The following SORCS2 variants were observed in gnomAD, a reference collection of about 807,000 sequenced individuals.
SORCS2 encodes VPS10 domain-containing receptor SorCS2.
A neutral mutation model predicts 141.6 loss-of-function variants in SORCS2; 100 were observed. The ratio of observed to expected loss-of-function variants is 0.71; its 90% CI spans 0.60 to 0.83. SORCS2 has a LOEUF of 0.83. Among genes scored for constraint, SORCS2 ranks in the 40% least tolerant of loss-of-function variants. The pLI is 0.00. For missense variants in SORCS2, 1,646 were observed against 1,560.2 expected (o/e 1.05, Z -0.93); for synonymous variants, 789 against 676.9 (o/e 1.17, Z -2.57).
rs532724578 is a variant in SORCS2, at chr4:7,611,135, A to G, written c.649-27193A>G. Among the ~76,000 whole-genome samples, 4 of 152,306 alleles carry G rather than the reference A, an allele frequency of 2.6e-5. No homozygotes were observed. In the South Asian group the frequency reaches 8.3e-4, roughly 32 times the overall value. ...CACTGCAGCTACTGAGGCTGTGAAA[A>G]GCAAAAGCCCACATGGAGCCAGTGA... On this transcript the variant is annotated intron_variant, in intron 3 of 26. Transcript: ENST00000507866.
intron 1 of SORCS2, among the ~76,000 whole-genome samples, chr4:7,246,522 C>T (rs1007475193): frequency 3.3e-5 from 5 of 152,112 alleles, no homozygotes; most frequent in African/African-American, 1.2e-4. Flanking sequence ...TCACCTGGGG[C>T]TTAAATGAAC....
At chr4:7,395,167 A>T (rs1305653294) in intron 1 of SORCS2, among the ~76,000 whole-genome samples, 1 of 140,414 alleles carries the variant, frequency 7.1e-6, no homozygotes, top group African/African-American at 2.7e-5. Flanking sequence ...CTCGGGCAAC[A>T]GCCCCTCCTC....
intron 1 of SORCS2, among the ~76,000 whole-genome samples, chr4:7,243,042 C>T (rs968572944): frequency 2.7e-5 from 4 of 148,720 alleles, no homozygotes; most frequent in Admixed American, 1.3e-4. Flanking sequence ...CTGCAGGGCC[C>T]CTGGGGGTTG....
intron 2 of SORCS2, among the ~76,000 whole-genome samples, chr4:7,480,856 C>T (rs62277648): frequency 0.089 from 13,561 of 152,264 alleles, 639 homozygotes; most frequent in African/African-American, 0.12. Context: ...GCGTGGCCTC[C>T]CTGGGTGGGT....
rs62280212 is a variant in SORCS2 at position 7,533,161 on chromosome 4, G to A, written c.648+1532G>A. ...TTTGCTCAGTCTCACACCTGGTGGT[G>A]CAGGGGGCCTGGATTTGAACCCAGC... is the stretch of plus-strand genomic sequence containing the variant. On this transcript the variant is annotated intron_variant, in intron 3 of 26. Coordinates refer to ENST00000507866, the MANE Select transcript of SORCS2 (RefSeq NM_020777.3). Among the ~76,000 whole-genome samples, 5 of 152,320 alleles carry A rather than the reference G, an allele frequency of 3.3e-5. No homozygotes were observed. The South Asian group carries it at 1.0e-3, about 32-fold the overall frequency.
Position 7,722,288 on chromosome 4 carries a change from C to T in SORCS2, c.2425-1409C>T, listed in dbSNP as rs183214726. On this transcript the variant is annotated intron_variant, in intron 18 of 26. Transcript: ENST00000507866. Reference sequence around the variant, plus strand: ...GACTTGAGCGCTTCCCCTCATTCCCCGCCCCTCCCTGAGAGGCTGCCTTTA... The same window carrying T: ...GACTTGAGCGCTTCCCCTCATTCCCTGCCCCTCCCTGAGAGGCTGCCTTTA... Among the ~76,000 whole-genome samples the T allele has an allele frequency of 4.7e-4, 71 of 152,270 alleles. No individual in the cohort carries two copies. In the East Asian group the frequency reaches 9.1e-3, roughly 20 times the overall value.
intron 21 of SORCS2, among the ~76,000 whole-genome samples, chr4:7,727,852 G>A (rs1727330943): frequency 6.6e-6 from 1 of 152,226 alleles, no homozygotes; most frequent in Non-Finnish European, 1.5e-5. Context: ...TATGGGAAAT[G>A]TGGGAGAAAG....
At chr4:7,415,072 G>T (rs1421421805) in intron 2 of SORCS2, among the ~76,000 whole-genome samples, 1 of 152,214 alleles carries the variant, frequency 6.6e-6, no homozygotes, top group African/African-American at 2.4e-5. Flanking sequence ...AAAGTAATGA[G>T]TTAAAGTAAA....
At chr4:7,335,078 A>G (rs1208824927) in intron 1 of SORCS2, among the ~76,000 whole-genome samples, 1 of 152,094 alleles carries the variant, frequency 6.6e-6, no homozygotes, top group East Asian at 1.9e-4. Flanking sequence ...CACAGAGGGC[A>G]TCTGTGTCCC....
chr4:7,520,290 A>G (rs1280079132), intron 2 of SORCS2, among the ~76,000 whole-genome samples: 1 of 152,234 alleles, frequency 6.6e-6, no homozygotes, highest in African/African-American at 2.4e-5. Flanking sequence ...AGGAGTTTAT[A>G]GATAGCGAGG....
chr4:7,492,608 T>G (rs763308860), intron 2 of SORCS2, among the ~76,000 whole-genome samples: 34 of 152,342 alleles, frequency 2.2e-4, no homozygotes, highest in Admixed American at 1.0e-3. Context: ...ATTTCTAATT[T>G]TGAGGAACGT....
intron 1 of SORCS2, among the ~76,000 whole-genome samples, chr4:7,302,909 T>C (rs1196391699): frequency 6.6e-6 from 1 of 152,054 alleles, no homozygotes; most frequent in African/African-American, 2.4e-5. Flanking sequence ...ACCTCAAAGT[T>C]CCCCTGATCA....
At chr4:7,259,093 GAT>G (rs1413129883) in intron 1 of SORCS2, among the ~76,000 whole-genome samples, 1 of 152,182 alleles carries the variant, frequency 6.6e-6, no homozygotes, top group Non-Finnish European at 1.5e-5. Context: ...TCACTCTGAT[GAT>G]AGTTTCTTTT....
chr4:7,261,285 C>G (rs1485612126), intron 1 of SORCS2, among the ~76,000 whole-genome samples: 2 of 152,228 alleles, frequency 1.3e-5, no homozygotes, highest in African/African-American at 4.8e-5. Flanking sequence ...TTTGGAGACC[C>G]TTCAAAGGGA....
intron 20 of SORCS2, among the ~76,000 whole-genome samples, chr4:7,726,246 A>C (rs1211569163): frequency 6.6e-6 from 1 of 152,198 alleles, no homozygotes; most frequent in East Asian, 1.9e-4. Flanking sequence ...CCCGGCAGCC[A>C]CATCAGGCCT....
chr4:7,462,617 C>G (rs186140544), intron 2 of SORCS2, among the ~76,000 whole-genome samples: 2 of 152,030 alleles, frequency 1.3e-5, no homozygotes, highest in African/African-American at 4.8e-5. Context: ...CCAGAGTGCC[C>G]TCTGCTGTCA....
intron 3 of SORCS2, among the ~76,000 whole-genome samples, chr4:7,534,228 C>G (rs553644464): frequency 6.6e-6 from 1 of 152,200 alleles, no homozygotes; most frequent in African/African-American, 2.4e-5. Flanking sequence ...GACACTGTAG[C>G]CGCATCAGGT....
chr4:7,223,761 T>C (rs2108764791), intron 1 of SORCS2, among the ~76,000 whole-genome samples: 1 of 152,226 alleles, frequency 6.6e-6, no homozygotes, highest in Non-Finnish European at 1.5e-5. Flanking sequence ...GGGAAGGGCA[T>C]CTGGGAAGAT....
At chr4:7,416,374 A>G (rs755741678) in intron 2 of SORCS2, among the ~76,000 whole-genome samples, 6 of 152,170 alleles carry the variant, frequency 3.9e-5, no homozygotes, top group Admixed American at 2.6e-4. Context: ...AGTTGAGTGC[A>G]AAGTCCAAGC....
Sources: allele counts gnomAD v4.1 joint callset (sites outside exome capture counted in the v4.1 genomes callset), GRCh38; gene constraint gnomAD v4.1.1; transcripts MANE v1.5; gene names NCBI Gene and HGNC (gene_info 2026-07-23, HGNC 2026-07-21).